The following TUSC3 variants were observed in gnomAD, a reference collection of about 807,000 sequenced individuals.
TUSC3 encodes the protein dolichyl-diphosphooligosaccharide--protein glycosyltransferase subunit TUSC3.
A neutral mutation model predicts 44.8 loss-of-function variants in TUSC3; 45 were observed. The observed-to-expected ratio is 1.00, with a 90% confidence interval of 0.79 to 1.29. TUSC3 has a LOEUF of 1.29. Ranked by LOEUF, TUSC3 falls within the 50% of genes most tolerant of loss-of-function variation. TUSC3 has a pLI of 0.00. For synonymous variants in TUSC3, 212 were observed against 152.9 expected, an observed-to-expected ratio of 1.39 and a Z score of -2.85; for missense variants, 519 against 437.9, an observed-to-expected ratio of 1.19 and a Z score of -1.65.
At chr8:15,759,047 A>G (rs186438114) in intron 10 of TUSC3, among the ~76,000 whole-genome samples, 2 of 152,312 alleles carry the variant, frequency 1.3e-5, no homozygotes, top group Admixed American at 1.3e-4. Flanking sequence ...GCCACAATGT[A>G]CTTCTCGCTA....
At chr8:15,831,926 T>C in the TUSC3 span, among the ~76,000 whole-genome samples, 1 of 152,102 alleles carries the variant, frequency 6.6e-6, no homozygotes, top group Non-Finnish European at 1.5e-5. Flanking sequence ...AACATTCAAA[T>C]TCAGGAAATG....
At chr8:15,445,445 C>T (rs1184437815) in intron 1 of TUSC3, among the ~76,000 whole-genome samples, 1 of 151,952 alleles carries the variant, frequency 6.6e-6, no homozygotes, top group Admixed American at 6.5e-5. Context: ...TCTGGTTTTC[C>T]TAGGCAGAGG....
At chr8:15,735,192 C>T (rs1433188234) in intron 7 of TUSC3, among the ~76,000 whole-genome samples, 1 of 152,098 alleles carries the variant, frequency 6.6e-6, no homozygotes, top group Non-Finnish European at 1.5e-5. Flanking sequence ...GCAGGAGTCG[C>T]TGGCAGTCGT....
chr8:15,728,079 G>A (rs921106393), intron 6 of TUSC3, among the ~76,000 whole-genome samples: 1 of 152,090 alleles, frequency 6.6e-6, no homozygotes, highest in Non-Finnish European at 1.5e-5. Context: ...TAACCTGGCT[G>A]CATTTTTAAA....
chr8:15,551,254 A>T (rs1448824376), intron 1 of TUSC3, among the ~76,000 whole-genome samples: 1 of 151,582 alleles, frequency 6.6e-6, no homozygotes, highest in Non-Finnish European at 1.5e-5. Flanking sequence ...ATGCCTAGAA[A>T]CTACTAGAGT....
At chr8:15,502,041 C>A (rs1800973431) in intron 2 of TUSC3, among the ~76,000 whole-genome samples, 1 of 152,080 alleles carries the variant, frequency 6.6e-6, no homozygotes, top group Non-Finnish European at 1.5e-5. Flanking sequence ...CTATTGGTTT[C>A]CTTTATACAA....
At chr8:15,538,080 G>T (rs4831741), upstream of TUSC3, among the ~76,000 whole-genome samples, 121,332 of 152,100 alleles carry the variant, frequency 0.8, 49,412 homozygotes, top group Non-Finnish European at 0.87. Flanking sequence ...CCCACCAGCC[G>T]CAGGCAATCA....
intron 1 of TUSC3, among the ~76,000 whole-genome samples, chr8:15,555,099 C>G (rs980981656): frequency 1.6e-4 from 23 of 147,302 alleles, no homozygotes; most frequent in African/African-American, 4.0e-4. Flanking sequence ...TAAGATTTCT[C>G]CTTGATTAGG....
intron 2 of TUSC3, among the ~76,000 whole-genome samples, chr8:15,514,512 G>C (rs577612387): frequency 5.3e-4 from 81 of 152,228 alleles, no homozygotes; most frequent in Non-Finnish European, 2.2e-4. Context: ...CTGAACTGTA[G>C]ACTTACCTTA....
intron 1 of TUSC3, among the ~76,000 whole-genome samples, chr8:15,593,266 A>G (rs1438859488): frequency 1.3e-5 from 2 of 151,820 alleles, no homozygotes; most frequent in African/African-American, 4.8e-5. Context: ...TTGTAGTTTT[A>G]GTAGAGACAG....
chr8:15,851,274 G>T, the TUSC3 span, among the ~76,000 whole-genome samples: 1 of 151,938 alleles, frequency 6.6e-6, no homozygotes, highest in East Asian at 1.9e-4. Flanking sequence ...ATCTTTTATA[G>T]GTGCCAGGGA....
chr8:15,771,032 C>G (rs747046164), downstream of TUSC3, among the ~76,000 whole-genome samples: 1 of 152,094 alleles, frequency 6.6e-6, no homozygotes, highest in Non-Finnish European at 1.5e-5. Flanking sequence ...CGTGATTCAA[C>G]ATGTAGAAGA....
At chr8:15,833,736 G>T in the TUSC3 span, among the ~76,000 whole-genome samples, 1 of 151,844 alleles carries the variant, frequency 6.6e-6, no homozygotes, top group East Asian at 1.9e-4. Flanking sequence ...TAACTAATGG[G>T]TACTAGGCTT....
intron 1 of TUSC3, among the ~76,000 whole-genome samples, chr8:15,616,015 G>A (rs1018229490): frequency 1.3e-5 from 2 of 152,136 alleles, no homozygotes; most frequent in African/African-American, 2.4e-5. Flanking sequence ...AAAAAATTTT[G>A]TGGAGTTGGG....
At chr8:15,562,800 C>T (rs1475253309) in intron 1 of TUSC3, among the ~76,000 whole-genome samples, 1 of 152,088 alleles carries the variant, frequency 6.6e-6, no homozygotes, top group African/African-American at 2.4e-5. Context: ...TTGCTTTATT[C>T]CAGATCACTA....
rs74991859 is a variant in TUSC3, at chr8:15,439,103, C to T, written n.91+21798C>T. On this transcript the variant is annotated intron_variant and non_coding_transcript_variant, in intron 1 of 5. Coordinates refer to the TUSC3 transcript ENST00000503191. ...TCTGGGAATGCAACTCGTCCATATA[C>T]ATCCATCAGGGATGAAGCCAGGAGA... is the stretch of plus-strand genomic sequence containing the variant. Among the ~76,000 whole-genome samples, 340 of 152,278 alleles carry T rather than the reference C, an allele frequency of 2.2e-3. 2 individuals carry two copies. Among genetic ancestry groups the T allele is most frequent in the African/African-American group, 7.5e-3 (310 of 41,548 alleles).
intron 1 of TUSC3, among the ~76,000 whole-genome samples, chr8:15,477,252 G>T (rs1190265404): frequency 2.6e-5 from 4 of 152,086 alleles, no homozygotes; most frequent in Non-Finnish European, 5.9e-5. Context: ...TGTCTATGAG[G>T]TTAAATGGTG....
intron 1 of TUSC3, among the ~76,000 whole-genome samples, chr8:15,576,005 T>C (rs1394984930): frequency 6.6e-6 from 1 of 152,050 alleles, no homozygotes; most frequent in African/African-American, 2.4e-5. Flanking sequence ...TTTCACATTT[T>C]GAAACTGATT....
At chr8:15,485,695 G>A (rs1026360427) in intron 2 of TUSC3, among the ~76,000 whole-genome samples, 5 of 152,078 alleles carry the variant, frequency 3.3e-5, no homozygotes, top group Non-Finnish European at 7.4e-5. Flanking sequence ...GAGTAGGAGG[G>A]GAAAGAAGAG....
Sources: gnomAD v4.1 joint callset for allele counts (sites outside exome capture counted in the v4.1 genomes callset) on GRCh38, gnomAD v4.1.1 for gene constraint, MANE v1.5 for transcripts, NCBI Gene and HGNC (gene_info 2026-07-23, HGNC 2026-07-21) for gene names.